Variants in FMO4 observed in about 807,000 individuals in gnomAD.
FMO4 encodes the protein dimethylaniline monooxygenase [N-oxide-forming] 4.
In FMO4, 38 loss-of-function variants were observed where a neutral mutation model predicts 43.3. The observed-to-expected ratio is 0.88, with a 90% confidence interval of 0.68 to 1.15. The LOEUF (loss-of-function observed/expected upper bound fraction) is 1.15, where lower values mean the gene tolerates loss of function less well. Among genes scored for constraint, FMO4 ranks in the 50% most tolerant of loss-of-function variants. The probability of loss-of-function intolerance (pLI) is 0.00; values close to 1 mark genes in which losing one functional copy is unlikely to be tolerated. For synonymous variants in FMO4, 224 were observed against 232.2 expected (o/e 0.96, Z 0.32); for missense variants, 631 against 663.3 (o/e 0.95, Z 0.54).
intron 6 of FMO4, among the ~76,000 whole-genome samples, chr1:171,332,286 C>T (rs1662933251): frequency 6.6e-6 from 1 of 152,124 alleles, no homozygotes; most frequent in Non-Finnish European, 1.5e-5. Context: ...AGCCCAGATT[C>T]ACAAATTAGA....
intron 3 of FMO4, among the ~76,000 whole-genome samples, chr1:171,320,487 G>A (rs907682345): frequency 3.3e-5 from 5 of 152,172 alleles, no homozygotes; most frequent in Admixed American, 1.3e-4. Flanking sequence ...AAGAACTCAG[G>A]CACTAACCAA....
At chr1:171,332,540 C>T (rs1214712489) in intron 6 of FMO4, among the ~76,000 whole-genome samples, 169 bp from the exon 7 acceptor site, 2 of 152,014 alleles carry the variant, frequency 1.3e-5, no homozygotes, top group African/African-American at 2.4e-5. Context: ...ATTTTGAGAA[C>T]AATGACAGCA....
At chr1:171,340,898 T>G (rs1663345947) in intron 9 of FMO4, among the ~76,000 whole-genome samples, 2 of 152,092 alleles carry the variant, frequency 1.3e-5, no homozygotes, top group Admixed American at 1.3e-4. Flanking sequence ...CCAAAAAAAT[T>G]AAAAATAATT....
intron 5 of FMO4, among the ~76,000 whole-genome samples, chr1:171,327,055 G>A (rs1662697485): frequency 6.6e-6 from 1 of 152,070 alleles, no homozygotes; most frequent in Non-Finnish European, 1.5e-5. Context: ...CATTGTGTGA[G>A]GCAATATGAA....
intron 3 of FMO4, 58 bp downstream of exon 3, chr1:171,320,015 C>G: frequency 6.3e-7 from 1 of 1,597,478 alleles, no homozygotes; most frequent in Non-Finnish European, 8.6e-7. Context: ...TCTGCTCAGA[C>G]ATGGTGGCTT....
chr1:171,314,640 T>C (rs1345151316), intron 1 of FMO4, among the ~76,000 whole-genome samples: 1 of 152,106 alleles, frequency 6.6e-6, no homozygotes, highest in African/African-American at 2.4e-5. Flanking sequence ...AAAAGGAAAG[T>C]GTCAGTGAGA....
intron 5 of FMO4, among the ~76,000 whole-genome samples, chr1:171,325,677 C>T (rs982479768): frequency 1.1e-4 from 17 of 152,000 alleles, no homozygotes; most frequent in Non-Finnish European, 2.4e-4. Context: ...AATATAAAAA[C>T]ACCTCTTATG....
intron 2 of FMO4, 125 bp from the exon 3 acceptor site, chr1:171,319,693 T>G: frequency 2.8e-6 from 2 of 725,178 alleles, no homozygotes; most frequent in Non-Finnish European, 4.5e-6. Flanking sequence ...AAGCAGCATG[T>G]GATTCTGCCC....
Position 171,341,619 on chromosome 1 carries a change from T to A in FMO4, c.1457T>A (p.Ile486Asn), listed in dbSNP as rs1663376104. 6.2e-7 allele frequency: 1 copy of A among 1,613,886 alleles called. No individual in the cohort carries two copies. Among genetic ancestry groups the A allele is most frequent in the Admixed American group, 1.7e-5 (1 of 59,932 alleles). Reference sequence around the variant, plus strand: ...AAATGGGATGGAGCCAGAAATGCCATCCTGACCCAGTGGGACAGAACATTG... The same window carrying A: ...AAATGGGATGGAGCCAGAAATGCCAACCTGACCCAGTGGGACAGAACATTG... ...PGKWDGARNA[I>N]LTQWDRTLKP... The change falls in exon 10 of 10, where the codon ATC (isoleucine) becomes AAC (asparagine). Residue 486 changes from isoleucine to asparagine, a missense_variant. Coordinates refer to ENST00000367749, the MANE Select transcript of FMO4 (RefSeq NM_002022.3).
At chr1:171,325,791 C>T (rs754713704) in intron 5 of FMO4, among the ~76,000 whole-genome samples, 28 of 120,824 alleles carry the variant, frequency 2.3e-4, no homozygotes, top group Non-Finnish European at 3.8e-4. Flanking sequence ...TTATTCCACA[C>T]TAAATTCAGT....
chr1:171,330,808 T>A (rs1284828038), intron 5 of FMO4, among the ~76,000 whole-genome samples: 1 of 152,074 alleles, frequency 6.6e-6, no homozygotes, highest in Non-Finnish European at 1.5e-5. Context: ...CAAAAATGAA[T>A]CAAAAGAAGA....
intron 5 of FMO4, among the ~76,000 whole-genome samples, chr1:171,331,190 G>C (rs1662887218): frequency 6.6e-6 from 1 of 152,126 alleles, no homozygotes; most frequent in Non-Finnish European, 1.5e-5. Flanking sequence ...GTTTGTTCAA[G>C]ATCTTTATTC....
chr1:171,321,249 A>T (rs2101879584), intron 3 of FMO4, among the ~76,000 whole-genome samples: 1 of 152,266 alleles, frequency 6.6e-6, no homozygotes, highest in South Asian at 2.1e-4. Context: ...GAAAAATATA[A>T]ATTAAGTAAG....
At chr1:171,340,031 C>T (rs1424439824) in intron 9 of FMO4, among the ~76,000 whole-genome samples, 1 of 152,152 alleles carries the variant, frequency 6.6e-6, no homozygotes. Context: ...TAAACTGAGC[C>T]TCGCTTGCCC....
chr1:171,334,570 A>T lies in FMO4; in HGVS notation c.987A>T (p.Gly329=). Residue 329 remains glycine, a synonymous_variant, in exon 8 of 10, where the codon GGA becomes GGT. Coordinates refer to ENST00000367749, the MANE Select transcript of FMO4 (RefSeq NM_002022.3). Reference sequence around the variant, plus strand: ...TTGATGTTGTGATCTTCACTACAGGATATACATTTTCTTTTCCATTTTTTG... The same window carrying T: ...TTGATGTTGTGATCTTCACTACAGGTTATACATTTTCTTTTCCATTTTTTG... ...ENIDVVIFTT[G]YTFSFPFFEE... 6.2e-7 allele frequency: 1 copy of T among 1,613,824 alleles called. No homozygotes were observed. The highest frequency in any genetic ancestry group is 8.5e-7 in the Non-Finnish European group (1 of 1,179,734).
At chr1:171,333,555 G>C (rs1014920325) in intron 7 of FMO4, among the ~76,000 whole-genome samples, 2 of 152,078 alleles carry the variant, frequency 1.3e-5, no homozygotes, top group Non-Finnish European at 2.9e-5. Context: ...CATCTGTATA[G>C]AGTTGCACAT....
At chr1:171,324,650 A>G (rs1662583483) in intron 5 of FMO4, among the ~76,000 whole-genome samples, 1 of 152,210 alleles carries the variant, frequency 6.6e-6, no homozygotes, top group Non-Finnish European at 1.5e-5. Context: ...ACTGGCCTGT[A>G]ATAGAACTTA....
chr1:171,331,183 T>C (rs1662886935), intron 5 of FMO4, among the ~76,000 whole-genome samples: 1 of 152,244 alleles, frequency 6.6e-6, no homozygotes, highest in African/African-American at 2.4e-5. Context: ...TTTATTTGTT[T>C]GTTCAAGATC....
In FMO4 at chr1:171,318,157, A is replaced by C. The variant is rs1019494823; in HGVS notation, c.-8-1661A>C. Among the ~76,000 whole-genome samples, 23 of 152,072 alleles carry C rather than the reference A, an allele frequency of 1.5e-4. 1 individual carries two copies. The highest frequency in any genetic ancestry group is 6.8e-3 in the Middle Eastern group (2 of 294). On this transcript the variant is annotated intron_variant, in intron 2 of 9. Transcript: ENST00000367749. ...ATGGTGAAACCCCATGTCTACTAAA[A>C]AATACAAAAATTAGCTGGGCGTGGT...
Sources: gnomAD v4.1 joint callset for allele counts (sites outside exome capture counted in the v4.1 genomes callset) on GRCh38, gnomAD v4.1.1 for gene constraint, MANE v1.5 for transcripts, NCBI Gene and HGNC (gene_info 2026-07-23, HGNC 2026-07-21) for gene names.